The following SORL1 variants were observed in gnomAD, a reference collection of about 807,000 sequenced individuals.
The protein encoded by SORL1 is sortilin-related receptor.
In SORL1, 127 loss-of-function variants were observed where a neutral mutation model predicts 273.7. That is an observed-to-expected ratio of 0.46 (90% CI 0.40 to 0.54). The LOEUF is 0.54. SORL1 is among the 20% of genes least tolerant of loss of function. SORL1 has a pLI of 0.00. For missense variants in SORL1, 2,494 were observed against 2,846.1 expected (o/e 0.88, Z 2.81); for synonymous variants, 1,031 against 1,067.4 (o/e 0.97, Z 0.66).
chr11:121,580,552 G>T (rs1381898199), intron 25 of SORL1, among the ~76,000 whole-genome samples: 5 of 139,690 alleles, frequency 3.6e-5, no homozygotes, highest in African/African-American at 1.3e-4. Flanking sequence ...TTTCTTCTCT[G>T]TCATTAATCA....
Position 121,615,047 on chromosome 11 carries a change from C to T in SORL1, c.5596C>T (p.Arg1866Trp), listed in dbSNP as rs372366880. The T allele has an allele frequency of 7.6e-5, 122 of 1,595,540 alleles. No homozygotes were observed. Among genetic ancestry groups the T allele is most frequent in the Admixed American group, 1.4e-4 (8 of 55,918 alleles). ...AGTGGAATGTACCTGGACCGGCCCC[C>T]GGAATGTGGTGAGTCAGCCAGAATG... ...TAVECTWTGP[R>W]NVVYGIFYAT... Residue 1866 changes from arginine to tryptophan, a missense_variant, in exon 41 of 48, where the codon CGG becomes TGG. This residue lies in a region of SORL1 where 1,609 missense variants were observed against 1,816.4 expected (regional missense o/e 0.89). Transcript: ENST00000260197.
chr11:121,511,776 T>A (rs1181562350), intron 6 of SORL1, among the ~76,000 whole-genome samples: 1 of 152,226 alleles, frequency 6.6e-6, no homozygotes, highest in Non-Finnish European at 1.5e-5. Context: ...GTCCTCACAG[T>A]ATTTATGGGG....
intron 38 of SORL1, chr11:121,608,957 C>G (rs1218886724): frequency 6.6e-6 from 1 of 152,280 alleles, no homozygotes; most frequent in Non-Finnish European, 1.5e-5. Flanking sequence ...GGGCAGAGAT[C>G]TGGTCTGTTT....
intron 1 of SORL1, among the ~76,000 whole-genome samples, chr11:121,457,758 G>T (rs1022103794): frequency 6.6e-6 from 1 of 152,226 alleles, no homozygotes; most frequent in Non-Finnish European, 1.5e-5. Context: ...GAGATGTGGA[G>T]TCCAGGCTTG....
intron 3 of SORL1, among the ~76,000 whole-genome samples, chr11:121,487,156 C>T (rs1238516992): frequency 5.3e-5 from 8 of 152,246 alleles, no homozygotes; most frequent in African/African-American, 1.2e-4. Flanking sequence ...CATGGCTTCT[C>T]ATTCAGCCTC....
chr11:121,478,141 A>T lies in SORL1; in HGVS notation c.426A>T (p.Gly142=), dbSNP rs375743724. The T allele has an allele frequency of 1.9e-6, 3 of 1,613,926 alleles. No individual in the cohort carries two copies. In the African/African-American group the frequency reaches 4.0e-5, roughly 22 times the overall value. The part of the protein sequence containing the change: ...SSDVYVSYDY[G]KSFKKISDKL... ...AGGTGTACGTGTCTTACGACTATGG[A>T]AAATCATTCAAGAAAATTTCAGACA... Residue 142 remains glycine, a synonymous_variant, in exon 3 of 48, where the codon GGA becomes GGT. Coordinates refer to ENST00000260197, the MANE Select transcript of SORL1 (RefSeq NM_003105.6).
intron 2 of SORL1, among the ~76,000 whole-genome samples, chr11:121,475,355 T>C (rs541616370): frequency 6.6e-6 from 1 of 152,296 alleles, no homozygotes; most frequent in East Asian, 1.9e-4. Flanking sequence ...GGAAGGAAAG[T>C]TGATGAGTGG....
chr11:121,595,102 A>G lies in SORL1; in HGVS notation c.4370-521A>G, dbSNP rs751624339. Among the ~76,000 whole-genome samples the G allele has an allele frequency of 4.6e-5, 7 of 152,106 alleles. No individual in the cohort carries two copies. Among genetic ancestry groups the G allele is most frequent in the Non-Finnish European group, 8.8e-5 (6 of 68,012 alleles). The stretch of plus-strand genomic sequence containing the variant: ...CCAAATAACAACCCTCCATTCTTCT[A>G]TTGGGGTGACGTATGGGTTGGTTGC... On this transcript the variant is annotated intron_variant, in intron 31 of 47. Transcript: ENST00000260197. The surrounding 1 kb of genome is among the most constrained non-coding windows in gnomAD (Gnocchi z 5.1).
Position 121,452,695 on chromosome 11 carries a change from G to C in SORL1, c.285+79G>C, listed in dbSNP as rs1860823887. 1 of 1,295,342 alleles carries C rather than the reference G, an allele frequency of 7.7e-7. No individual in the cohort carries two copies. Among genetic ancestry groups the C allele is most frequent in the Non-Finnish European group, 1.0e-6 (1 of 1,002,158 alleles). The allele number at this position is 1,295,342 out of a possible 1,614,324, so 80.2% of individuals were successfully genotyped here. A position where few individuals can be genotyped will look rare whatever the true frequency, so the allele number is the denominator to read the frequency against. On this transcript the variant is annotated intron_variant, in intron 1 of 47. Coordinates refer to ENST00000260197, the MANE Select transcript of SORL1 (RefSeq NM_003105.6). This position sits in a 1 kb window ranked among gnomAD's most constrained non-coding sequence, Gnocchi z 5.3. ...CTCACCCCCGCATCCATCCGTTGCA[G>C]TCGCCTCCTAGGTGCAGGCACCACT... is the stretch of plus-strand genomic sequence containing the variant.
At position 121,473,998 on chromosome 11, in the gene SORL1, C is replaced by T. The variant is rs547772823; in HGVS notation, c.402+3875C>T. 7.2e-5 allele frequency among the ~76,000 whole-genome samples: 11 copies of T among 152,340 alleles called. No individual in the cohort carries two copies. In the South Asian group the frequency reaches 2.1e-3, roughly 29 times the overall value. ...AGCAGTGTGACATCATGATTGTACC[C>T]CTCAGGACTGACTGGGGAGCAGTGT... is the stretch of plus-strand genomic sequence containing the variant. On this transcript the variant is annotated intron_variant, in intron 2 of 47. Coordinates refer to ENST00000260197, the MANE Select transcript of SORL1 (RefSeq NM_003105.6).
rs549557002 is a variant in SORL1 at position 121,487,971 on chromosome 11, A to G, written c.529-61A>G. 81 of 1,574,012 alleles carry G rather than the reference A, an allele frequency of 5.1e-5. No individual in the cohort carries two copies. In the African/African-American group the frequency reaches 7.8e-4, roughly 15 times the overall value. On this transcript the variant is annotated intron_variant, in intron 3 of 47. Transcript: ENST00000260197. Reference sequence around the variant, plus strand: ...ACTCGTGTGGACTCGCACATGGTTTAGGGGAGTGTTGGGCAGCTCTGGACA... The same window carrying G: ...ACTCGTGTGGACTCGCACATGGTTTGGGGGAGTGTTGGGCAGCTCTGGACA...
At chr11:121,589,558 G>GC (rs1863177291) in intron 29 of SORL1, among the ~76,000 whole-genome samples, 168 bp downstream of exon 29, 2 of 152,202 alleles carry the variant, frequency 1.3e-5, no homozygotes, top group African/African-American at 2.4e-5. Context: ...CTTGAAGGGG[G>GC]CAGCTGGCAC....
At chr11:121,552,958 G>A (rs760435464) in intron 16 of SORL1, among the ~76,000 whole-genome samples, 32 of 152,214 alleles carry the variant, frequency 2.1e-4, no homozygotes, top group African/African-American at 5.1e-4. Context: ...TTCCCAAGCC[G>A]TTCCCTAAGT....
At chr11:121,533,617 C>T (rs1029167154) in intron 12 of SORL1, among the ~76,000 whole-genome samples, 1 of 152,210 alleles carries the variant, frequency 6.6e-6, no homozygotes, top group African/African-American at 2.4e-5. Context: ...GAGAGGGCTT[C>T]TGTAACTCTC....
chr11:121,554,031 A>T lies in SORL1; in HGVS notation c.2361A>T (p.Leu787=). Residue 787 remains leucine, a synonymous_variant, in exon 17 of 48, where the codon CTA becomes CTT. Coordinates refer to ENST00000260197, the MANE Select transcript of SORL1 (RefSeq NM_003105.6). This position sits in a 1 kb window ranked among gnomAD's most constrained non-coding sequence, Gnocchi z 4.6. ...GATEQLPLTG[L]RAAVALDFDY... Reference sequence around the variant, plus strand: ...CCGAGCAGTTGCCTCTCACCGGGCTACGGGCAGCAGTGGCCCTGGACTTTG... The same window carrying T: ...CCGAGCAGTTGCCTCTCACCGGGCTTCGGGCAGCAGTGGCCCTGGACTTTG... The T allele has an allele frequency of 1.2e-6, 2 of 1,614,212 alleles. No individual in the cohort carries two copies. The highest frequency in any genetic ancestry group is 1.7e-6 in the Non-Finnish European group (2 of 1,180,020).
intron 1 of SORL1, among the ~76,000 whole-genome samples, chr11:121,468,108 C>G (rs758247318): frequency 6.6e-6 from 1 of 151,940 alleles, no homozygotes; most frequent in Non-Finnish European, 1.5e-5. Flanking sequence ...GGGGAAAGTT[C>G]GAGTGTGCTG....
chr11:121,617,209 G>A (rs1010085320), intron 41 of SORL1, among the ~76,000 whole-genome samples: 2 of 152,158 alleles, frequency 1.3e-5, no homozygotes, highest in African/African-American at 2.4e-5. Flanking sequence ...TTTAGGATTG[G>A]GAGGGCCTGG....
In SORL1 at chr11:121,522,907, GC is replaced by G; in HGVS notation, c.1523-8del. 6.2e-7 allele frequency: 1 copy of G among 1,607,528 alleles called. No individual in the cohort carries two copies. The highest frequency in any genetic ancestry group is 1.1e-5 in the South Asian group (1 of 90,918). ...GAAATTAAAAATAATTATTTCTCTT[GC>G]ATTTTAGGCTCAGTGGGAAAGAACT... On this transcript the variant is annotated splice_region_variant and splice_polypyrimidine_tract_variant and intron_variant, in intron 10 of 47. Coordinates refer to ENST00000260197, the MANE Select transcript of SORL1 (RefSeq NM_003105.6).
chr11:121,599,587 T>C (rs902278434), intron 32 of SORL1, among the ~76,000 whole-genome samples: 1 of 152,194 alleles, frequency 6.6e-6, no homozygotes, highest in Non-Finnish European at 1.5e-5. Context: ...GTGGGGGATA[T>C]TTTAATCTCC....
Sources: allele counts gnomAD v4.1 joint callset (sites outside exome capture counted in the v4.1 genomes callset), GRCh38; gene constraint gnomAD v4.1.1; regional missense constraint gnomAD v4.1.1; non-coding constraint Gnocchi (gnomAD v3.1); transcripts MANE v1.5; gene names NCBI Gene and HGNC (gene_info 2026-07-23, HGNC 2026-07-21).